Variants in SASH1 observed in about 807,000 individuals in gnomAD.
The protein encoded by SASH1 is SAM and SH3 domain-containing protein 1.
A neutral mutation model predicts 125.2 loss-of-function variants in SASH1; 44 were observed. That is an observed-to-expected ratio of 0.35 (90% confidence interval 0.28 to 0.45). The LOEUF is 0.45. Ranked by LOEUF, SASH1 falls within the 20% of genes least tolerant of loss-of-function variation. The pLI, the probability that SASH1 is intolerant of heterozygous loss-of-function variation, is 1.00. For synonymous variants in SASH1, 639 were observed against 649.1 expected (o/e 0.98, Z 0.24); for missense variants, 1,426 against 1,614.5 (o/e 0.88, Z 2.00).
intron 17 of SASH1, among the ~76,000 whole-genome samples, chr6:148,542,197 T>G (rs1782262303): frequency 6.6e-6 from 1 of 152,188 alleles, no homozygotes; most frequent in Admixed American, 6.5e-5. Context: ...TCAGGGATCT[T>G]TCTAATGTAA....
chr6:148,493,442 G>A (rs1298203239), intron 8 of SASH1, among the ~76,000 whole-genome samples: 1 of 152,162 alleles, frequency 6.6e-6, no homozygotes, highest in Non-Finnish European at 1.5e-5. Context: ...TATTTTTTGT[G>A]CAAGAGCCGG....
At chr6:148,483,236 A>G (rs1778706199) in intron 7 of SASH1, among the ~76,000 whole-genome samples, 1 of 152,054 alleles carries the variant, frequency 6.6e-6, no homozygotes, top group Non-Finnish European at 1.5e-5. Flanking sequence ...ACTTGGTGAG[A>G]AGAAACAAGA....
chr6:148,472,204 G>A (rs960922312), intron 6 of SASH1, among the ~76,000 whole-genome samples: 1 of 152,176 alleles, frequency 6.6e-6, no homozygotes, highest in Non-Finnish European at 1.5e-5. Flanking sequence ...TTGATCACCA[G>A]TGACACTGCT....
rs1782446129 is a variant in SASH1 at position 148,544,617 on chromosome 6, T to C, written c.3147T>C (p.Pro1049=). 3 of 1,613,090 alleles carry C rather than the reference T, an allele frequency of 1.9e-6. No homozygotes were observed. The South Asian group carries it at 3.3e-5, about 18-fold the overall frequency. The change falls in exon 18 of 20, where the codon CCT becomes CCC. Residue 1049 remains proline (P), a synonymous_variant. Coordinates refer to ENST00000367467, the MANE Select transcript of SASH1 (RefSeq NM_015278.5). This position sits in a 1 kb window ranked among gnomAD's most constrained non-coding sequence, Gnocchi z 6.4. ...CCAGGCCTCTCTCAGGGCAGGCGCCTGGCAGCCCACCAAGCACAAGGCCGC... is the reference window on the plus strand; with the variant it reads ...CCAGGCCTCTCTCAGGGCAGGCGCCCGGCAGCCCACCAAGCACAAGGCCGC... The part of the protein sequence containing the change: ...LAPRPLSGQA[P]GSPPSTRPPP...
the SASH1 span, among the ~76,000 whole-genome samples, chr6:148,235,007 G>A: frequency 1.3e-5 from 2 of 152,268 alleles, no homozygotes; most frequent in African/African-American, 4.8e-5. Context: ...TCCATTTTGG[G>A]ATAATCTGAT....
the SASH1 span, among the ~76,000 whole-genome samples, chr6:148,248,045 C>A: frequency 1.3e-5 from 2 of 152,148 alleles, no homozygotes; most frequent in African/African-American, 4.8e-5. Flanking sequence ...CAATGCTAAG[C>A]CCTTATTTCA....
At chr6:148,424,243 TTG>T (rs1491241342) in intron 2 of SASH1, among the ~76,000 whole-genome samples, 89 of 150,382 alleles carry the variant, frequency 5.9e-4, no homozygotes, top group Non-Finnish European at 1.1e-3. Flanking sequence ...TTTTTTTTTT[TTG>T]GGGGGGGGAG....
intron 1 of SASH1, among the ~76,000 whole-genome samples, chr6:148,358,977 C>T (rs1421992664): frequency 1.3e-5 from 2 of 151,926 alleles, no homozygotes; most frequent in East Asian, 1.9e-4. Context: ...CCTTGTGATC[C>T]GCCTGCCTTG....
chr6:148,387,311 G>A (rs2114806804), intron 1 of SASH1, among the ~76,000 whole-genome samples: 1 of 151,602 alleles, frequency 6.6e-6, no homozygotes, highest in Middle Eastern at 3.4e-3. Context: ...GTAGAGACGG[G>A]GTTTCACCAT....
chr6:148,401,147 C>G (rs184358896), intron 2 of SASH1, among the ~76,000 whole-genome samples: 1 of 151,090 alleles, frequency 6.6e-6, no homozygotes, highest in African/African-American at 2.4e-5. Context: ...ACAGCTACTT[C>G]GGAGGTTAAG....
the SASH1 span, among the ~76,000 whole-genome samples, chr6:148,206,797 A>G: frequency 6.8e-6 from 1 of 147,136 alleles, no homozygotes; most frequent in African/African-American, 2.5e-5. Flanking sequence ...CTCAAAGCAC[A>G]CACACACACA....
intron 1 of SASH1, among the ~76,000 whole-genome samples, chr6:148,326,386 T>TATGCA (rs1780826472): frequency 4.7e-5 from 3 of 63,196 alleles, no homozygotes; most frequent in Non-Finnish European, 9.1e-5. Context: ...ATTCTTTTCT[T>TATGCA]TTCTTTTCTT....
chr6:148,361,867 C>A, intron 1 of SASH1, among the ~76,000 whole-genome samples: 1 of 151,398 alleles, frequency 6.6e-6, no homozygotes, highest in East Asian at 1.9e-4. Flanking sequence ...GAGGGAAGCA[C>A]GGTTTCCCTG....
chr6:148,345,574 G>C (rs2114642767), intron 1 of SASH1, among the ~76,000 whole-genome samples: 1 of 152,240 alleles, frequency 6.6e-6, no homozygotes, highest in Admixed American at 6.5e-5. Context: ...TAGATGTCTT[G>C]CAGGGAGACA....
At chr6:148,514,005 G>A in intron 8 of SASH1, 1 of 1,027,968 alleles carries the variant, frequency 9.7e-7, no homozygotes, top group Middle Eastern at 4.7e-4. Context: ...GCCAGCATCG[G>A]AGGGAGAGTC....
At chr6:148,499,770 T>C (rs145838143) in intron 8 of SASH1, among the ~76,000 whole-genome samples, 3 of 152,302 alleles carry the variant, frequency 2.0e-5, no homozygotes, top group Non-Finnish European at 4.4e-5. Context: ...ATGAGAAAAT[T>C]AGGTCAAGTA....
intron 1 of SASH1, among the ~76,000 whole-genome samples, chr6:148,313,794 G>C (rs2493907): frequency 0.45 from 68,351 of 151,970 alleles, 15,495 homozygotes; most frequent in African/African-American, 0.52. Flanking sequence ...TGGCGGAGAA[G>C]TGGGAGCTGT....
chr6:148,423,346 A>G (rs1055406297), intron 2 of SASH1, among the ~76,000 whole-genome samples: 1 of 152,256 alleles, frequency 6.6e-6, no homozygotes, highest in Non-Finnish European at 1.5e-5. Flanking sequence ...TTGGCTTGCA[A>G]TTGATTCTGG....
chr6:148,268,220 A>C (rs1259426779), upstream of SASH1, among the ~76,000 whole-genome samples: 1 of 152,222 alleles, frequency 6.6e-6, no homozygotes, highest in Non-Finnish European at 1.5e-5. Context: ...TTTAAAAAGA[A>C]ATATTCAAAT....
Sources: allele counts gnomAD v4.1 joint callset (sites outside exome capture counted in the v4.1 genomes callset), GRCh38; gene constraint gnomAD v4.1.1; non-coding constraint Gnocchi (gnomAD v3.1); transcripts MANE v1.5; gene names NCBI Gene and HGNC (gene_info 2026-07-23, HGNC 2026-07-21).